The following CAAP1 variants were observed in gnomAD, a reference collection of about 807,000 sequenced individuals.
CAAP1 encodes conserved anti-apoptotic protein.
In CAAP1, 20 loss-of-function variants were observed where a neutral mutation model predicts 34.0. The ratio of observed to expected loss-of-function variants is 0.59; its 90% CI spans 0.41 to 0.86. The LOEUF is 0.86. Ranked by LOEUF, CAAP1 falls within the 40% of genes least tolerant of loss-of-function variation. The pLI is 0.00. For missense variants in CAAP1, 538 were observed against 450.5 expected, an observed-to-expected ratio of 1.19 and a Z score of -1.76; for synonymous variants, 213 against 166.7, an observed-to-expected ratio of 1.28 and a Z score of -2.14.
At chr9:26,876,472 G>GGTTTTTTTTTT (rs1554652213) in intron 4 of CAAP1, among the ~76,000 whole-genome samples, 1 of 125,714 alleles carries the variant, frequency 8.0e-6, no homozygotes. Context: ...ATTCTAGAAG[G>GGTTTTTTTTTT]TTTTTTTTTT....
In CAAP1 at chr9:26,853,610, G is replaced by A. The variant is rs908775470; in HGVS notation, c.739+7456C>T. 2.3e-4 allele frequency among the ~76,000 whole-genome samples: 35 copies of A among 152,162 alleles called. 1 individual carries two copies. Among genetic ancestry groups the A allele is most frequent in the Admixed American group, 5.9e-4 (9 of 15,278 alleles). On this transcript the variant is annotated intron_variant, in intron 5 of 5. Transcript: ENST00000333916. ...AAAATAACCAATGCTGTCAAATGCC[G>A]CTGATGGGTCAAGATGAGCACTGAG...
rs1012474670 is a variant in CAAP1, at chr9:26,873,929, C to T, written c.665+10881G>A. Among the ~76,000 whole-genome samples the T allele has an allele frequency of 2.0e-5, 3 of 152,042 alleles. No homozygotes were observed. In the South Asian group the frequency reaches 6.2e-4, roughly 32 times the overall value. On this transcript the variant is annotated intron_variant, in intron 4 of 5. Coordinates refer to ENST00000333916, the MANE Select transcript of CAAP1 (RefSeq NM_024828.4). Reference sequence around the variant, plus strand: ...TAAAAAATTTTACAGATACCTGCACCGGGTACGGTGGCTCACGCCTGTAAT... The same window carrying T: ...TAAAAAATTTTACAGATACCTGCACTGGGTACGGTGGCTCACGCCTGTAAT...
At chr9:26,875,213 C>A (rs1043456865) in intron 4 of CAAP1, among the ~76,000 whole-genome samples, 7 of 152,010 alleles carry the variant, frequency 4.6e-5, no homozygotes, top group African/African-American at 1.2e-4. Context: ...GGTGAAACCC[C>A]AACTCTACTA....
At position 26,845,470 on chromosome 9, in the gene CAAP1, G is replaced by C. The variant is rs563276856; in HGVS notation, c.740-2823C>G. On this transcript the variant is annotated intron_variant, in intron 5 of 5. Coordinates refer to ENST00000333916, the MANE Select transcript of CAAP1 (RefSeq NM_024828.4). ...TGCTCACTGCAACCTCCACCTCCAG[G>C]GTTCAAGCGATTCTCCTGCGTCAGC... Among the ~76,000 whole-genome samples, 22 of 152,286 alleles carry C rather than the reference G, an allele frequency of 1.4e-4. 1 individual carries two copies. The South Asian group carries it at 4.6e-3, about 32-fold the overall frequency.
intron 4 of CAAP1, among the ~76,000 whole-genome samples, chr9:26,878,570 A>G (rs1447528895): frequency 1.3e-5 from 2 of 152,228 alleles, no homozygotes; most frequent in Non-Finnish European, 2.9e-5. Flanking sequence ...AACCAGGCAT[A>G]TTCACACAAG....
intron 5 of CAAP1, among the ~76,000 whole-genome samples, chr9:26,843,786 A>C (rs893057321): frequency 1.3e-5 from 2 of 152,172 alleles, no homozygotes; most frequent in African/African-American, 4.8e-5. Context: ...ATCAATGATG[A>C]TTTACTGACC....
At chr9:26,869,229 C>G (rs938356388) in intron 4 of CAAP1, among the ~76,000 whole-genome samples, 1 of 151,844 alleles carries the variant, frequency 6.6e-6, no homozygotes, top group African/African-American at 2.4e-5. Context: ...AAACCTAATA[C>G]GGTGAAATTC....
Position 26,892,701 on chromosome 9 carries a change from C to G in CAAP1, c.15G>C (p.Lys5Asn). The G allele has an allele frequency of 3.1e-6, 5 of 1,597,956 alleles. No homozygotes were observed. The highest frequency in any genetic ancestry group is 4.3e-6 in the Non-Finnish European group (5 of 1,175,958). ...GTTTGCGCCGTTTCTCCCGGGAGGA[C>G]TTTTTCCCCGTCATGATCCCTCTGC... MTGK[K>N]SSREKRRKRS... is the part of the protein sequence containing the mutation. The change falls in exon 1 of 6, where the codon AAG (lysine) becomes AAC (asparagine). Residue 5 changes from lysine (K) to asparagine (N), a missense_variant. Around this residue, in one of 3 missense-constraint regions of CAAP1, gnomAD observed 514 missense variants for 408.4 expected, o/e 1.26. Transcript: ENST00000333916.
chr9:26,869,427 A>G (rs529056393), intron 4 of CAAP1, among the ~76,000 whole-genome samples: 3 of 152,326 alleles, frequency 2.0e-5, no homozygotes, highest in East Asian at 3.9e-4. Context: ...AAATTCATGG[A>G]ATAGAGTTCC....
chr9:26,860,272 T>A (rs903843217), intron 5 of CAAP1, among the ~76,000 whole-genome samples: 3 of 152,334 alleles, frequency 2.0e-5, no homozygotes, highest in South Asian at 2.1e-4. Context: ...CCTACAAATG[T>A]ACTTGGCTTG....
At chr9:26,847,403 A>C (rs1822643766) in intron 5 of CAAP1, among the ~76,000 whole-genome samples, 1 of 151,326 alleles carries the variant, frequency 6.6e-6, no homozygotes, top group South Asian at 2.1e-4. Context: ...TTTGGTAGAG[A>C]CGGGGTTTCA....
intron 5 of CAAP1, among the ~76,000 whole-genome samples, chr9:26,858,372 A>G (rs540213426): frequency 1.3e-5 from 2 of 152,358 alleles, no homozygotes; most frequent in South Asian, 4.1e-4. Flanking sequence ...GCAAGTTACT[A>G]TCTAGTCAGA....
At chr9:26,871,735 C>A (rs577320016) in intron 4 of CAAP1, among the ~76,000 whole-genome samples, 7 of 151,998 alleles carry the variant, frequency 4.6e-5, no homozygotes, top group Middle Eastern at 3.4e-3. Context: ...ACCAGCCTGG[C>A]CAACATGGTG....
chr9:26,858,646 C>A (rs1361467264), intron 5 of CAAP1, among the ~76,000 whole-genome samples: 5 of 151,918 alleles, frequency 3.3e-5, no homozygotes, highest in Admixed American at 3.3e-4. Context: ...CACGGTGAAA[C>A]CCCGTCTCTA....
chr9:26,854,733 C>A (rs749347576), intron 5 of CAAP1, among the ~76,000 whole-genome samples: 4 of 152,146 alleles, frequency 2.6e-5, no homozygotes, highest in Non-Finnish European at 5.9e-5. Context: ...TTTTAAAATG[C>A]ACAAATGATC....
At position 26,863,772 on chromosome 9, in the gene CAAP1, T is replaced by TA. The variant is rs57763346; in HGVS notation, c.666-2634dup. Among the ~76,000 whole-genome samples, 823 of 111,942 alleles carry TA rather than the reference T, an allele frequency of 7.4e-3. 9 individuals carry two copies. The highest frequency in any genetic ancestry group is 0.041 in the East Asian group (131 of 3,202). 73.4% of individuals were successfully genotyped at this position (111,942 alleles called of 152,430 possible). A position where few individuals can be genotyped will look rare whatever the true frequency, so the allele number is the denominator to read the frequency against. On this transcript the variant is annotated intron_variant, in intron 4 of 5. Coordinates refer to ENST00000333916, the MANE Select transcript of CAAP1 (RefSeq NM_024828.4). The stretch of plus-strand genomic sequence containing the variant: ...TCTTTGTGCTCCCTTCCGTTTAAAT[T>TA]AAAAAAAAAAAAAAAAAAAAAAGCC...
rs11545958 is a variant in CAAP1, at chr9:26,892,505, C to T, written c.211G>A (p.Gly71Ser). Reference protein sequence around the residue: ...SGSVTGGGSGGSCWGGSSVER... With the variant: ...SGSVTGGGSGSSCWGGSSVER... ...ACGCTGCTCCCGCCCCAACAGCTGC[C>T]GCCGCTCCCACCGCCGGTGACACTT... The change falls in exon 1 of 6, where the codon GGC becomes AGC. Residue 71 changes from glycine (G) to serine (S), a missense_variant. By Grantham distance (56) the Gly-to-Ser change is moderately conservative (BLOSUM62 0). Transcript: ENST00000333916. 1.3e-6 allele frequency: 2 copies of T among 1,567,134 alleles called. No homozygotes were observed. The highest frequency in any genetic ancestry group is 1.2e-5 in the South Asian group (1 of 86,750).
intron 5 of CAAP1, among the ~76,000 whole-genome samples, chr9:26,860,097 T>C (rs931188391): frequency 7.2e-5 from 11 of 152,192 alleles, no homozygotes. Context: ...GATTACATGA[T>C]AGATAACTTA....
At position 26,845,206 on chromosome 9, in the gene CAAP1, GT is replaced by G. The variant is rs11341146; in HGVS notation, c.740-2560del. Among the ~76,000 whole-genome samples the G allele has an allele frequency of 8.7e-3, 1,322 of 152,254 alleles. 16 individuals carry two copies. The highest frequency in any genetic ancestry group is 0.03 in the African/African-American group (1,258 of 41,546). On this transcript the variant is annotated intron_variant, in intron 5 of 5. Coordinates refer to ENST00000333916, the MANE Select transcript of CAAP1 (RefSeq NM_024828.4). ...GAGATTTTTGTTGTTGTTCCCTGCT[GT>G]TTCCTTGGTGCTTAAAACAGTGTCT...
Sources: allele counts gnomAD v4.1 joint callset (sites outside exome capture counted in the v4.1 genomes callset), GRCh38; gene constraint gnomAD v4.1.1; regional missense constraint gnomAD v4.1.1; transcripts MANE v1.5; gene names NCBI Gene and HGNC (gene_info 2026-07-23, HGNC 2026-07-21).